PLXNA4: variants seen among roughly 807,000 people sequenced by gnomAD.
PLXNA4 encodes plexin-A4.
In PLXNA4, 44 loss-of-function variants were observed where a neutral mutation model predicts 191.8. The ratio of observed to expected loss-of-function variants is 0.23; its 90% CI spans 0.18 to 0.29. PLXNA4 has a LOEUF of 0.29. PLXNA4 is among the 10% of genes least tolerant of loss of function. The pLI is 1.00. For missense variants in PLXNA4, 1,800 were observed against 2,488.8 expected, an observed-to-expected ratio of 0.72 and a Z score of 5.89; for synonymous variants, 1,082 against 1,009.5, an observed-to-expected ratio of 1.07 and a Z score of -1.36.
intron 3 of PLXNA4, among the ~76,000 whole-genome samples, chr7:132,442,332 G>T (rs761600627): frequency 1.4e-4 from 22 of 152,134 alleles, no homozygotes; most frequent in Admixed American, 3.3e-4. Context: ...TGCGTATGAA[G>T]TTACTGCTTG....
intron 3 of PLXNA4, among the ~76,000 whole-genome samples, chr7:132,346,135 C>T (rs1025401844): frequency 6.6e-6 from 1 of 152,200 alleles, no homozygotes; most frequent in African/African-American, 2.4e-5. Flanking sequence ...TACCCTGGTC[C>T]AGATACCACT....
chr7:132,511,686 A>G (rs1798720712), intron 1 of PLXNA4, among the ~76,000 whole-genome samples: 1 of 152,224 alleles, frequency 6.6e-6, no homozygotes, highest in African/African-American at 2.4e-5. Context: ...TAGCAAGATT[A>G]AAATAGGATT....
At chr7:132,611,280 C>G (rs994419441) in intron 2 of PLXNA4, among the ~76,000 whole-genome samples, 2 of 152,216 alleles carry the variant, frequency 1.3e-5, no homozygotes, top group African/African-American at 4.8e-5. Flanking sequence ...AAGTGAGAAA[C>G]TGCAAAGTTG....
chr7:132,465,831 A>G (rs560442960), intron 3 of PLXNA4, among the ~76,000 whole-genome samples: 1 of 152,296 alleles, frequency 6.6e-6, no homozygotes, highest in South Asian at 2.1e-4. Flanking sequence ...GCAGAGCTGG[A>G]GGAGAGAGGG....
At chr7:132,513,635 G>T (rs1396270914) in intron 1 of PLXNA4, among the ~76,000 whole-genome samples, 1 of 121,388 alleles carries the variant, frequency 8.2e-6, no homozygotes, top group African/African-American at 3.0e-5. Context: ...TGAATTAGGT[G>T]AGTCACAGGT....
In PLXNA4 at chr7:132,168,359, C is replaced by T. The variant is rs147374247; in HGVS notation, c.4231G>A (p.Asp1411Asn). The change falls in exon 22 of 32, where the codon GAC becomes AAC. Residue 1411 changes from aspartate (D) to asparagine (N), a missense_variant. Around this residue, in one of 6 missense-constraint regions of PLXNA4, gnomAD observed 1,397 missense variants for 1,880.4 expected, o/e 0.74. Coordinates refer to ENST00000321063, the MANE Select transcript of PLXNA4 (RefSeq NM_020911.2). ...CTCTCCAGGTTCTTGTCAATGAGGT[C>T]GGCCAGCAGCTGCTTCAGCACATCA... The part of the protein sequence containing the change: ...ATDVLKQLLA[D>N]LIDKNLESKN... 1.7e-5 allele frequency: 28 copies of T among 1,605,624 alleles called. No individual in the cohort carries two copies. Among genetic ancestry groups the T allele is most frequent in the Admixed American group, 5.0e-5 (3 of 59,610 alleles).
intron 20 of PLXNA4, among the ~76,000 whole-genome samples, 177 bp from the exon 21 acceptor site, chr7:132,175,097 G>A (rs967945709): frequency 3.9e-5 from 6 of 152,318 alleles, no homozygotes; most frequent in Middle Eastern, 3.4e-3. Flanking sequence ...TGAATGAATG[G>A]CATTAGCATG....
At chr7:132,531,585 G>A (rs957836632) in intron 1 of PLXNA4, among the ~76,000 whole-genome samples, 1 of 152,198 alleles carries the variant, frequency 6.6e-6, no homozygotes, top group East Asian at 1.9e-4. Flanking sequence ...CCAGACCTAA[G>A]GAAGCTGTGT....
chr7:132,317,703 C>A (rs1479819830), intron 3 of PLXNA4, among the ~76,000 whole-genome samples: 2 of 152,180 alleles, frequency 1.3e-5, no homozygotes, highest in Non-Finnish European at 2.9e-5. Context: ...CCTATCCTTG[C>A]AAAGCTACCA....
At chr7:132,148,444 T>C in intron 26 of PLXNA4, 99 bp downstream of exon 26, 1 of 1,518,370 alleles carries the variant, frequency 6.6e-7, no homozygotes, top group Non-Finnish European at 8.9e-7. Context: ...GGAGTGCTGG[T>C]GAGGGGCTTG....
chr7:132,348,200 C>A (rs1009287354), intron 3 of PLXNA4, among the ~76,000 whole-genome samples: 7 of 152,340 alleles, frequency 4.6e-5, no homozygotes, highest in African/African-American at 1.7e-4. Flanking sequence ...CACTGAATAA[C>A]CTTGCCCAAA....
intron 29 of PLXNA4, among the ~76,000 whole-genome samples, chr7:132,143,107 G>A (rs558287000): frequency 3.9e-5 from 6 of 152,290 alleles, no homozygotes; most frequent in Admixed American, 2.6e-4. Context: ...GTGGAAGAAG[G>A]GGGTGGGGAG....
chr7:132,208,604 C>A (rs1188591371), intron 10 of PLXNA4, among the ~76,000 whole-genome samples: 1 of 152,208 alleles, frequency 6.6e-6, no homozygotes, highest in Non-Finnish European at 1.5e-5. Flanking sequence ...AGGCCTCCAG[C>A]TCCAATGCCA....
At chr7:132,382,588 GT>G (rs1312917638) in intron 3 of PLXNA4, among the ~76,000 whole-genome samples, 1 of 152,170 alleles carries the variant, frequency 6.6e-6, no homozygotes, top group Admixed American at 6.5e-5. Context: ...ATTGTCATGT[GT>G]AGTATTTTGC....
At chr7:132,583,675 T>C (rs1401985629) in intron 2 of PLXNA4, among the ~76,000 whole-genome samples, 2 of 152,236 alleles carry the variant, frequency 1.3e-5, no homozygotes, top group African/African-American at 4.8e-5. Flanking sequence ...CTCTCCACTT[T>C]AGTGTCTGCC....
upstream of PLXNA4, among the ~76,000 whole-genome samples, chr7:132,578,495 G>C (rs1401480298): frequency 1.3e-5 from 2 of 152,186 alleles, no homozygotes; most frequent in African/African-American, 4.8e-5. Context: ...ACTGATAATG[G>C]CTTAAATGCC....
intron 2 of PLXNA4, among the ~76,000 whole-genome samples, chr7:132,593,890 G>A (rs1029194326): frequency 1.3e-5 from 2 of 152,366 alleles, no homozygotes; most frequent in Non-Finnish European, 1.5e-5. Context: ...TGCTAGGGCT[G>A]AGAAAAGTGT....
chr7:132,627,722 C>A (rs4568549), intron 2 of PLXNA4, among the ~76,000 whole-genome samples: 59,512 of 151,990 alleles, frequency 0.39, 12,808 homozygotes, highest in Non-Finnish European at 0.5. Flanking sequence ...TTTGCTTCTT[C>A]CACCATATGA....
chr7:132,455,309 T>C (rs1475073643), intron 3 of PLXNA4, among the ~76,000 whole-genome samples: 6 of 151,450 alleles, frequency 4.0e-5, no homozygotes, highest in African/African-American at 1.5e-4. Context: ...ACTTCAGGGG[T>C]GGGGAGGGGC....
Sources: allele counts gnomAD v4.1 joint callset (sites outside exome capture counted in the v4.1 genomes callset), GRCh38; gene constraint gnomAD v4.1.1; regional missense constraint gnomAD v4.1.1; transcripts MANE v1.5; gene names NCBI Gene and HGNC (gene_info 2026-07-23, HGNC 2026-07-21).